The following FMN2 variants were observed in gnomAD, a reference collection of about 807,000 sequenced individuals.
The protein encoded by FMN2 is formin-2.
Under a neutral mutation model 142.3 loss-of-function variants are expected in FMN2, and 51 were observed. The ratio of observed to expected loss-of-function variants is 0.36; its 90% CI spans 0.29 to 0.45. FMN2 has a LOEUF of 0.45. Ranked by LOEUF, FMN2 falls within the 20% of genes least tolerant of loss-of-function variation. FMN2 has a pLI of 1.00. For synonymous variants in FMN2, 882 were observed against 869.8 expected, an observed-to-expected ratio of 1.01 and a Z score of -0.25; for missense variants, 1,936 against 2,122.8, an observed-to-expected ratio of 0.91 and a Z score of 1.73.
At chr1:240,310,087 C>T (rs566836969) in intron 8 of FMN2, among the ~76,000 whole-genome samples, 1 of 152,148 alleles carries the variant, frequency 6.6e-6, no homozygotes, top group South Asian at 2.1e-4. Flanking sequence ...TTAATTTTGC[C>T]TTAATAGTTT....
chr1:240,440,607 T>C (rs1047940774), intron 16 of FMN2, among the ~76,000 whole-genome samples: 12 of 152,198 alleles, frequency 7.9e-5, no homozygotes, highest in African/African-American at 2.4e-4. Flanking sequence ...ATTGGCAGTT[T>C]ACAAGTGCTC....
At chr1:240,144,575 A>C in intron 2 of FMN2, 1 of 1,379,256 alleles carries the variant, frequency 7.3e-7, no homozygotes, top group Non-Finnish European at 1.0e-6. Context: ...CATCAGTGCC[A>C]ATCTCAGAGC....
chr1:240,380,521 A>C (rs996191309), intron 14 of FMN2, among the ~76,000 whole-genome samples: 1 of 152,188 alleles, frequency 6.6e-6, no homozygotes, highest in Non-Finnish European at 1.5e-5. Flanking sequence ...TTAAATTTAA[A>C]CTAGTGGGAA....
intron 6 of FMN2, among the ~76,000 whole-genome samples, chr1:240,217,254 T>C (rs1666939193): frequency 6.6e-6 from 1 of 152,236 alleles, no homozygotes; most frequent in African/African-American, 2.4e-5. Context: ...GATTGAAAAC[T>C]ATGTTTTATT....
chr1:240,379,834 A>C (rs190857168), intron 14 of FMN2, among the ~76,000 whole-genome samples: 85 of 152,326 alleles, frequency 5.6e-4, no homozygotes, highest in Admixed American at 1.9e-3. Context: ...AATGATAAAC[A>C]AAATAGATAG....
Position 240,194,071 on chromosome 1 carries a change from G to T in FMN2, c.1986+5809G>T, listed in dbSNP as rs1171049846. ...TTGTTTGTTTTTTGTTGTTGTTGTT[G>T]TTTTTTTAATCTTTAGGATCCTTCA... On this transcript the variant is annotated intron_variant, in intron 4 of 17. Coordinates refer to ENST00000319653, the MANE Select transcript of FMN2 (RefSeq NM_020066.5). Among the ~76,000 whole-genome samples, 9 of 151,334 alleles carry T rather than the reference G, an allele frequency of 5.9e-5. No individual in the cohort carries two copies. The South Asian group carries it at 1.0e-3, about 18-fold the overall frequency.
chr1:240,214,222 G>A (rs983911474), intron 6 of FMN2, among the ~76,000 whole-genome samples: 1 of 152,108 alleles, frequency 6.6e-6, no homozygotes, highest in South Asian at 2.1e-4. Context: ...GTCTGATGTA[G>A]AACCCCGTCT....
At chr1:240,466,397 T>C (rs373760434) in intron 16 of FMN2, among the ~76,000 whole-genome samples, 26 of 152,344 alleles carry the variant, frequency 1.7e-4, no homozygotes, top group African/African-American at 5.8e-4. Flanking sequence ...TTAAGTTACA[T>C]TTACAACTTT....
Position 240,334,100 on chromosome 1 carries a change from G to A in FMN2, c.4645-9G>A, listed in dbSNP as rs777105874. 6.3e-7 allele frequency: 1 copy of A among 1,584,744 alleles called. No individual in the cohort carries two copies. Among genetic ancestry groups the A allele is most frequent in the East Asian group, 2.2e-5 (1 of 44,508 alleles). On this transcript the variant is annotated splice_polypyrimidine_tract_variant and intron_variant, in intron 12 of 17. Coordinates refer to ENST00000319653, the MANE Select transcript of FMN2 (RefSeq NM_020066.5). The stretch of plus-strand genomic sequence containing the variant: ...TTCTTTAAATATGATGGGGTTTTTT[G>A]TTCATTAGGATGCTGGAAAAGAACA...
At chr1:240,261,709 G>GA (rs1668637955) in intron 7 of FMN2, among the ~76,000 whole-genome samples, 1 of 152,162 alleles carries the variant, frequency 6.6e-6, no homozygotes, top group Admixed American at 6.5e-5. Context: ...AGAGAGGAGA[G>GA]AAGAGGTCAG....
rs57803350 is a variant in FMN2, at chr1:240,205,891, CTTTTT to C, written c.1987-890_1987-886del. ...ATGTTGGCCAGTTGTTATCAGCCAT[CTTTTT>C]TTTTTTTTTTTTTTTTTGAGACAGT... On this transcript the variant is annotated intron_variant, in intron 4 of 17. Transcript: ENST00000319653. Among the ~76,000 whole-genome samples, 8 of 120,580 alleles carry C rather than the reference CTTTTT, an allele frequency of 6.6e-5. No homozygotes were observed. The South Asian group carries it at 1.1e-3, about 16-fold the overall frequency. The allele number at this position is 120,580 out of a possible 152,430, so 79.1% of individuals were successfully genotyped here.
In FMN2 at chr1:240,266,645, C is replaced by A. The variant is rs964232102; in HGVS notation, c.4153+8613C>A. Reference sequence around the variant, plus strand: ...CACCTAGGTTGATTCTAAATCTTTGCTATTGTGTATAGTGCTGTGATGAAC... The same window carrying A: ...CACCTAGGTTGATTCTAAATCTTTGATATTGTGTATAGTGCTGTGATGAAC... On this transcript the variant is annotated intron_variant, in intron 7 of 17. Transcript: ENST00000319653. Among the ~76,000 whole-genome samples the A allele has an allele frequency of 7.9e-5, 12 of 152,030 alleles. 1 individual carries two copies. Among genetic ancestry groups the A allele is most frequent in the African/African-American group, 1.9e-4 (8 of 41,408 alleles).
chr1:240,247,269 C>T (rs967993742), intron 6 of FMN2, among the ~76,000 whole-genome samples: 1 of 152,074 alleles, frequency 6.6e-6, no homozygotes, highest in African/African-American at 2.4e-5. Flanking sequence ...GTGGGAGGCC[C>T]AGGCAGGCAG....
At chr1:240,442,817 G>T (rs1004810625) in intron 16 of FMN2, among the ~76,000 whole-genome samples, 20 of 152,110 alleles carry the variant, frequency 1.3e-4, no homozygotes, top group Non-Finnish European at 2.6e-4. Flanking sequence ...GTCGGATAGG[G>T]CTTCTGTCTT....
chr1:240,423,479 C>G (rs1160720333), intron 15 of FMN2, among the ~76,000 whole-genome samples: 1 of 152,164 alleles, frequency 6.6e-6, no homozygotes, highest in African/African-American at 2.4e-5. Context: ...CTCTCTTGGC[C>G]TCGTCTGTCA....
At chr1:240,260,156 T>C (rs1209965172) in intron 7 of FMN2, among the ~76,000 whole-genome samples, 5 of 152,242 alleles carry the variant, frequency 3.3e-5, no homozygotes, top group Non-Finnish European at 7.3e-5. Flanking sequence ...CGTTGATTGA[T>C]GGGCATTTAG....
intron 4 of FMN2, among the ~76,000 whole-genome samples, chr1:240,194,785 A>G (rs1452170475): frequency 6.6e-6 from 1 of 152,232 alleles, no homozygotes; most frequent in African/African-American, 2.4e-5. Context: ...TCAAGCCTTT[A>G]CAGGCCAAGG....
intron 15 of FMN2, among the ~76,000 whole-genome samples, chr1:240,437,217 T>A (rs1232751121): frequency 6.6e-6 from 1 of 151,588 alleles, no homozygotes; most frequent in Non-Finnish European, 1.5e-5. Flanking sequence ...ACCGTCAAAG[T>A]CCTGGCTGCC....
At chr1:240,195,554 A>T (rs1396454217) in intron 4 of FMN2, among the ~76,000 whole-genome samples, 2 of 152,226 alleles carry the variant, frequency 1.3e-5, no homozygotes, top group African/African-American at 2.4e-5. Flanking sequence ...ACACACATTT[A>T]AAAAAGGTAA....
Sources: allele counts gnomAD v4.1 joint callset (sites outside exome capture counted in the v4.1 genomes callset), GRCh38; gene constraint gnomAD v4.1.1; transcripts MANE v1.5; gene names NCBI Gene and HGNC (gene_info 2026-07-23, HGNC 2026-07-21).